The following GRIK2 variants were observed in gnomAD, a reference collection of about 807,000 sequenced individuals.
GRIK2 encodes the protein glutamate receptor ionotropic, kainate 2.
A neutral mutation model predicts 100.3 loss-of-function variants in GRIK2; 32 were observed. The observed-to-expected ratio is 0.32, with a 90% CI of 0.24 to 0.43. The LOEUF (loss-of-function observed/expected upper bound fraction) is 0.43. GRIK2 is among the 20% of genes least tolerant of loss of function. The pLI is 1.00. For missense variants in GRIK2, 843 were observed against 1,114.9 expected, an observed-to-expected ratio of 0.76 and a Z score of 3.47; for synonymous variants, 417 against 389.4, an observed-to-expected ratio of 1.07 and a Z score of -0.83.
At chr6:101,886,352 A>G (rs1265997217) in intron 11 of GRIK2, among the ~76,000 whole-genome samples, 1 of 152,100 alleles carries the variant, frequency 6.6e-6, no homozygotes, top group Non-Finnish European at 1.5e-5. Flanking sequence ...ACTTTTAATG[A>G]AATGTCTGAA....
intron 2 of GRIK2, among the ~76,000 whole-genome samples, chr6:101,475,853 T>C (rs1055123007): frequency 5.9e-5 from 9 of 152,036 alleles, no homozygotes; most frequent in Admixed American, 2.0e-4. Context: ...ATACAAAAAT[T>C]TTATAGGTTG....
rs530367786 is a variant in GRIK2, at chr6:101,606,711, A to G, written c.116-15238A>G. On this transcript the variant is annotated intron_variant, in intron 2 of 16. Coordinates refer to ENST00000369134, the MANE Select transcript of GRIK2 (RefSeq NM_021956.5). ...GGTATACTATGCTTAGACACCTTAT[A>G]TTTGTATTAGCACTTAAATATATAA... Among the ~76,000 whole-genome samples the G allele has an allele frequency of 5.9e-5, 9 of 152,044 alleles. No homozygotes were observed. In the South Asian group the frequency reaches 1.9e-3, roughly 32 times the overall value.
At chr6:101,816,404 G>A (rs201456354) in intron 9 of GRIK2, among the ~76,000 whole-genome samples, 2 of 101,542 alleles carry the variant, frequency 2.0e-5, no homozygotes, top group South Asian at 4.0e-4. Context: ...CACTTTGGCC[G>A]GGCACAGTGG....
chr6:101,998,098 C>G (rs1336272982), intron 14 of GRIK2, among the ~76,000 whole-genome samples: 3 of 152,048 alleles, frequency 2.0e-5, no homozygotes, highest in Non-Finnish European at 4.4e-5. Flanking sequence ...TAATATGGAC[C>G]ACACACCTTT....
At chr6:101,890,046 A>G in intron 12 of GRIK2, 183 bp downstream of exon 12, 1 of 587,678 alleles carries the variant, frequency 1.7e-6, no homozygotes, top group Non-Finnish European at 3.0e-6. Context: ...CTTTGTGGGC[A>G]GAGAGCATGC....
intron 7 of GRIK2, among the ~76,000 whole-genome samples, chr6:101,715,666 G>T (rs1451897936): frequency 6.6e-6 from 1 of 151,702 alleles, no homozygotes; most frequent in Non-Finnish European, 1.5e-5. Flanking sequence ...TTAATCCCAT[G>T]TTATGAAAAA....
At chr6:101,453,198 C>CT (rs570476353) in intron 2 of GRIK2, among the ~76,000 whole-genome samples, 1,923 of 150,802 alleles carry the variant, frequency 0.013, 31 homozygotes, top group African/African-American at 0.044. Flanking sequence ...ATTTCCCATC[C>CT]TTTTTTTTTG....
intron 2 of GRIK2, among the ~76,000 whole-genome samples, chr6:101,550,985 T>G (rs1205230087): frequency 6.6e-6 from 1 of 152,118 alleles, no homozygotes. Flanking sequence ...TTCTCTTCTC[T>G]GCTCCCTGCT....
chr6:101,754,788 G>A (rs1216537477), intron 7 of GRIK2, among the ~76,000 whole-genome samples: 1 of 152,174 alleles, frequency 6.6e-6, no homozygotes, highest in Non-Finnish European at 1.5e-5. Flanking sequence ...TAGCAGAAAC[G>A]ATATGTGCAA....
chr6:101,478,562 G>T (rs1196716384), intron 2 of GRIK2, among the ~76,000 whole-genome samples: 7 of 145,518 alleles, frequency 4.8e-5, no homozygotes, highest in Non-Finnish European at 8.9e-5. Context: ...TGCCCAAGCT[G>T]GCGTGCAGTG....
intron 14 of GRIK2, among the ~76,000 whole-genome samples, chr6:101,984,819 AT>A (rs1194889897): frequency 4.0e-5 from 6 of 151,876 alleles, no homozygotes; most frequent in Admixed American, 2.6e-4. Flanking sequence ...ATTAAACTAC[AT>A]TTTAGTACAG....
At chr6:101,955,260 T>C (rs1791843421) in intron 14 of GRIK2, among the ~76,000 whole-genome samples, 1 of 152,114 alleles carries the variant, frequency 6.6e-6, no homozygotes, top group Non-Finnish European at 1.5e-5. Context: ...TTTGGAATAA[T>C]TTATGAAGAA....
intron 7 of GRIK2, among the ~76,000 whole-genome samples, chr6:101,761,438 G>A (rs570192208): frequency 9.2e-5 from 14 of 152,142 alleles, no homozygotes; most frequent in African/African-American, 3.1e-4. Context: ...AATCAGTTGG[G>A]AAAACAATAT....
At chr6:101,889,146 G>A (rs1382845432) in intron 11 of GRIK2, among the ~76,000 whole-genome samples, 1 of 151,924 alleles carries the variant, frequency 6.6e-6, no homozygotes, top group African/African-American at 2.4e-5. Flanking sequence ...ACTATTTAAA[G>A]ACTAAAATCT....
intron 14 of GRIK2, among the ~76,000 whole-genome samples, chr6:101,988,759 A>C (rs1279244277): frequency 1.3e-5 from 2 of 151,884 alleles, no homozygotes; most frequent in Non-Finnish European, 1.5e-5. Flanking sequence ...AATTTACATC[A>C]ACAAATTCAC....
At chr6:101,937,630 T>C (rs1337516352) in intron 14 of GRIK2, among the ~76,000 whole-genome samples, 3 of 152,164 alleles carry the variant, frequency 2.0e-5, no homozygotes, top group Non-Finnish European at 4.4e-5. Context: ...CCATTTCTTC[T>C]ATATAAATTG....
chr6:101,996,361 G>T (rs183362437), intron 14 of GRIK2, among the ~76,000 whole-genome samples: 42 of 152,086 alleles, frequency 2.8e-4, no homozygotes, highest in African/African-American at 9.2e-4. Flanking sequence ...AAACGGTGAA[G>T]AAATAATGTT....
chr6:102,060,519 C>G (rs1257606527), intron 16 of GRIK2, among the ~76,000 whole-genome samples: 2 of 150,706 alleles, frequency 1.3e-5, no homozygotes, highest in African/African-American at 4.8e-5. Context: ...TTACAGATAG[C>G]TACGTATAAG....
Position 101,998,161 on chromosome 6 carries a change from C to A in GRIK2, c.2086-37180C>A, listed in dbSNP as rs185549521. ...ACTACTGATCTGCTTTTTGTCAGTA[C>A]AGATTAGTTTGCATTTTCTAAAATT... On this transcript the variant is annotated intron_variant, in intron 14 of 16. Transcript: ENST00000369134. Among the ~76,000 whole-genome samples the A allele has an allele frequency of 9.9e-5, 15 of 152,184 alleles. No individual in the cohort carries two copies. The East Asian group carries it at 2.9e-3, about 29-fold the overall frequency.
Sources: allele counts gnomAD v4.1 joint callset (sites outside exome capture counted in the v4.1 genomes callset), GRCh38; gene constraint gnomAD v4.1.1; transcripts MANE v1.5; gene names NCBI Gene and HGNC (gene_info 2026-07-23, HGNC 2026-07-21).